Variants in CACNG3 observed in about 807,000 individuals in gnomAD.
CACNG3 encodes the protein voltage-dependent calcium channel gamma-3 subunit.
CACNG3 carries 3 observed loss-of-function variants against 28.5 expected under a neutral mutation model. The ratio of observed to expected loss-of-function variants is 0.11; its 90% CI spans 0.05 to 0.27. The LOEUF is 0.27. Ranked by LOEUF, CACNG3 falls within the 10% of genes least tolerant of loss-of-function variation. The pLI, the probability that CACNG3 is intolerant of heterozygous loss-of-function variation, is 1.00. For missense variants in CACNG3, 236 were observed against 414.4 expected (o/e 0.57, Z 3.74); for synonymous variants, 174 against 162.2 (o/e 1.07, Z -0.55).
rs558887195 is a variant in CACNG3, at chr16:24,361,243, C to A, written c.437-109C>A. The A allele has an allele frequency of 4.6e-6, 4 of 876,796 alleles. No individual in the cohort carries two copies. The South Asian group carries it at 5.2e-5, about 11-fold the overall frequency. The allele number at this position is 876,796 out of a possible 1,614,324, so 54.3% of individuals were successfully genotyped here. ...TTGGATTTCCCAGCTATAATCCATT[C>A]TCCTCTCTCCCCATTACCTCCACAT... On this transcript the variant is annotated intron_variant, in intron 3 of 3. Coordinates refer to ENST00000005284, the MANE Select transcript of CACNG3 (RefSeq NM_006539.4). The surrounding 1 kb of genome is among the most constrained non-coding windows in gnomAD (Gnocchi z 6.8).
Position 24,256,731 on chromosome 16 carries a change from C to T in CACNG3, c.-24C>T, listed in dbSNP as rs1898464871. ...CTGACTCTCCCCCTCCAACCCCCAG[C>T]CGTCCAGAGTACCATGAAGAATTAT... On this transcript the variant is annotated 5_prime_UTR_variant, in exon 1 of 4. Transcript: ENST00000005284. This position sits in a 1 kb window ranked among gnomAD's most constrained non-coding sequence, Gnocchi z 4.6. The T allele has an allele frequency of 6.5e-7, 1 of 1,534,332 alleles. No individual in the cohort carries two copies.
In CACNG3 at chr16:24,256,581, G is replaced by A. The variant is rs554899263; in HGVS notation, c.-174G>A. 8.3e-5 allele frequency: 51 copies of A among 612,360 alleles called. 1 individual carries two copies. The highest frequency in any genetic ancestry group is 3.3e-4 in the South Asian group (17 of 50,822). The allele number at this position is 612,360 out of a possible 1,614,324, so 37.9% of individuals were successfully genotyped here. A position where few individuals can be genotyped will look rare whatever the true frequency, so the allele number is the denominator to read the frequency against. ...GCCATAGGCGACCCAGGGAACTGGA[G>A]AGAGCTCCAGAAAGGAAATCCCAGC... On this transcript the variant is annotated 5_prime_UTR_variant, in exon 1 of 4. Coordinates refer to ENST00000005284, the MANE Select transcript of CACNG3 (RefSeq NM_006539.4). This position sits in a 1 kb window ranked among gnomAD's most constrained non-coding sequence, Gnocchi z 4.6.
At chr16:24,352,520 T>C (rs1567225637) in intron 2 of CACNG3, among the ~76,000 whole-genome samples, 1 of 111,936 alleles carries the variant, frequency 8.9e-6, no homozygotes, top group Non-Finnish European at 1.8e-5. Flanking sequence ...ATGGGGTTTT[T>C]TTTGTTGTTG....
chr16:24,354,996 G>A (rs773094606), intron 3 of CACNG3, 23 bp downstream of exon 3: 3 of 1,607,288 alleles, frequency 1.9e-6, no homozygotes, highest in Non-Finnish European at 2.6e-6. Context: ...CCCCAGCCCT[G>A]AGATCTTCAC....
chr16:24,287,511 C>T (rs1399513875), intron 1 of CACNG3, among the ~76,000 whole-genome samples: 2 of 119,146 alleles, frequency 1.7e-5, no homozygotes, highest in East Asian at 2.3e-4. Flanking sequence ...AAGCGAGACT[C>T]TCCAAAAAAA....
At chr16:24,356,264 C>T (rs571034266) in intron 3 of CACNG3, among the ~76,000 whole-genome samples, 1 of 152,266 alleles carries the variant, frequency 6.6e-6, no homozygotes, top group Admixed American at 6.5e-5. Context: ...GGGATGGGGA[C>T]AGCGGTGGAG....
intron 1 of CACNG3, among the ~76,000 whole-genome samples, chr16:24,327,756 A>G (rs1899577587): frequency 6.6e-6 from 1 of 152,076 alleles, no homozygotes; most frequent in South Asian, 2.1e-4. Flanking sequence ...AGCCTGGGCA[A>G]CATAGTGAGA....
chr16:24,280,862 C>A (rs1596625749), intron 1 of CACNG3, among the ~76,000 whole-genome samples: 1 of 133,866 alleles, frequency 7.5e-6, no homozygotes, highest in Non-Finnish European at 1.6e-5. Context: ...ACCGTTTATT[C>A]TGGAGATTTT....
chr16:24,276,063 G>T (rs1898749923), intron 1 of CACNG3, among the ~76,000 whole-genome samples: 1 of 152,158 alleles, frequency 6.6e-6, no homozygotes, highest in African/African-American at 2.4e-5. Flanking sequence ...TGCTCTATTT[G>T]TCAAACTTGT....
chr16:24,259,679 A>G (rs751683094), intron 1 of CACNG3, among the ~76,000 whole-genome samples: 45 of 152,204 alleles, frequency 3.0e-4, no homozygotes, highest in Non-Finnish European at 6.0e-4. Flanking sequence ...GTCATATGAA[A>G]GAGAGATTTG....
At chr16:24,350,839 C>T (rs1310434076) in intron 2 of CACNG3, among the ~76,000 whole-genome samples, 1 of 152,194 alleles carries the variant, frequency 6.6e-6, no homozygotes, top group Non-Finnish European at 1.5e-5. Flanking sequence ...CTGGAGGAGA[C>T]TTGCCCCTAA....
chr16:24,258,023 C>T (rs887800531), intron 1 of CACNG3, among the ~76,000 whole-genome samples: 4 of 152,154 alleles, frequency 2.6e-5, no homozygotes, highest in Admixed American at 6.5e-5. Context: ...TAGGGGTTTT[C>T]TTAGGCTTCC....
chr16:24,309,689 A>G (rs573573439), intron 1 of CACNG3, among the ~76,000 whole-genome samples: 1 of 152,332 alleles, frequency 6.6e-6, no homozygotes, highest in East Asian at 1.9e-4. Context: ...ATCTTTTTAC[A>G]GAGTAAATCA....
intron 1 of CACNG3, among the ~76,000 whole-genome samples, chr16:24,297,913 T>C (rs1899054019): frequency 6.6e-6 from 1 of 152,150 alleles, no homozygotes; most frequent in African/African-American, 2.4e-5. Context: ...CCCAAAGTTG[T>C]TGTCACAGTA....
chr16:24,275,006 A>G (rs1898735338), intron 1 of CACNG3, among the ~76,000 whole-genome samples: 1 of 152,178 alleles, frequency 6.6e-6, no homozygotes, highest in Admixed American at 6.5e-5. Flanking sequence ...TCCTAGGATA[A>G]GAGGGGGACT....
At chr16:24,324,717 G>A (rs1899516567) in intron 1 of CACNG3, among the ~76,000 whole-genome samples, 1 of 152,094 alleles carries the variant, frequency 6.6e-6, no homozygotes, top group Non-Finnish European at 1.5e-5. Flanking sequence ...TCTCCCTCCT[G>A]TGGTCTCAGC....
chr16:24,285,805 T>G (rs995067237), intron 1 of CACNG3, among the ~76,000 whole-genome samples: 20 of 151,496 alleles, frequency 1.3e-4, no homozygotes, highest in Non-Finnish European at 1.0e-4. Context: ...ACCATGGCTA[T>G]CCTTCTGGTT....
chr16:24,355,927 A>C (rs1040491659), intron 3 of CACNG3, among the ~76,000 whole-genome samples: 2 of 152,196 alleles, frequency 1.3e-5, no homozygotes, highest in Non-Finnish European at 2.9e-5. Flanking sequence ...CCCTGACCAG[A>C]AGAAGGCACA....
chr16:24,334,866 T>C (rs1184055678), intron 1 of CACNG3, among the ~76,000 whole-genome samples: 2 of 152,156 alleles, frequency 1.3e-5, no homozygotes, highest in Non-Finnish European at 2.9e-5. Context: ...CACGCATGCA[T>C]GCACCCACAT....
Sources: gnomAD v4.1 joint callset for allele counts (sites outside exome capture counted in the v4.1 genomes callset) on GRCh38, gnomAD v4.1.1 for gene constraint, Gnocchi (gnomAD v3.1) non-coding constraint, MANE v1.5 for transcripts, NCBI Gene and HGNC (gene_info 2026-07-23, HGNC 2026-07-21) for gene names.